Variants in GALNS observed in about 807,000 individuals in gnomAD.
The protein encoded by GALNS is N-acetylgalactosamine-6-sulfatase.
Under a neutral mutation model 65.9 loss-of-function variants are expected in GALNS, and 65 were observed. That is an observed-to-expected ratio of 0.99 (90% CI 0.81 to 1.21). GALNS has a LOEUF of 1.21. Among genes scored for constraint, GALNS ranks in the 50% most tolerant of loss-of-function variants. The pLI, the probability that GALNS is intolerant of heterozygous loss-of-function variation, is 0.00. For synonymous variants in GALNS, 346 were observed against 288.9 expected, an observed-to-expected ratio of 1.20 and a Z score of -2.00; for missense variants, 776 against 700.7, an observed-to-expected ratio of 1.11 and a Z score of -1.21.
At chr16:88,826,896 G>A in intron 9 of GALNS, 58 bp from the exon 10 acceptor site, 3 of 1,547,890 alleles carry the variant, frequency 1.9e-6, no homozygotes, top group Non-Finnish European at 2.6e-6. Context: ...ATGGGGCTGG[G>A]GGCCAATCCC....
chr16:88,820,842 G>GT (rs1469737969), intron 12 of GALNS, among the ~76,000 whole-genome samples: 2 of 152,238 alleles, frequency 1.3e-5, no homozygotes, highest in Non-Finnish European at 2.9e-5. Flanking sequence ...CGACCAGCCT[G>GT]TGGGGGGTGT....
At chr16:88,833,792 T>TGGGA (rs1411973487) in intron 8 of GALNS, among the ~76,000 whole-genome samples, 1 of 152,238 alleles carries the variant, frequency 6.6e-6, no homozygotes, top group Non-Finnish European at 1.5e-5. Flanking sequence ...GTTTCTAGTC[T>TGGGA]TGTGCTGGGT....
intron 1 of GALNS, among the ~76,000 whole-genome samples, chr16:88,853,459 C>T (rs1451603790): frequency 6.6e-6 from 1 of 152,112 alleles, no homozygotes; most frequent in East Asian, 1.9e-4. Context: ...ACTGAGCAAC[C>T]CTCCCCGGAC....
At chr16:88,828,430 C>T (rs916182527) in intron 9 of GALNS, among the ~76,000 whole-genome samples, 1 of 152,188 alleles carries the variant, frequency 6.6e-6, no homozygotes, top group African/African-American at 2.4e-5. Flanking sequence ...TCAGCGCTTT[C>T]GAGACTTCAC....
chr16:88,853,455 C>G (rs977835980), intron 1 of GALNS, among the ~76,000 whole-genome samples: 2 of 152,154 alleles, frequency 1.3e-5, no homozygotes, highest in African/African-American at 4.8e-5. Context: ...GGGCACTGAG[C>G]AACCCTCCCC....
chr16:88,855,046 T>C (rs1404370978), intron 1 of GALNS: 4 of 379,422 alleles, frequency 1.1e-5, no homozygotes, highest in South Asian at 6.0e-5. Context: ...GAACCCTTGC[T>C]GTCCTATGGA....
intron 1 of GALNS, among the ~76,000 whole-genome samples, chr16:88,847,472 T>A (rs1967302217): frequency 6.6e-6 from 1 of 152,202 alleles, no homozygotes; most frequent in Non-Finnish European, 1.5e-5. Flanking sequence ...AGAGTAGGAC[T>A]GCCACCTGCA....
At chr16:88,846,164 T>C (rs1182616362) in intron 1 of GALNS, among the ~76,000 whole-genome samples, 1 of 152,226 alleles carries the variant, frequency 6.6e-6, no homozygotes, top group Non-Finnish European at 1.5e-5. Flanking sequence ...TGGGTGGAGC[T>C]GTATCCCCAA....
chr16:88,852,310 A>G (rs931000249), intron 1 of GALNS, among the ~76,000 whole-genome samples: 1 of 152,246 alleles, frequency 6.6e-6, no homozygotes, highest in African/African-American at 2.4e-5. Flanking sequence ...TATAAGGAAA[A>G]TTAACAAACA....
At chr16:88,827,815 C>CGT (rs1567522785) in intron 9 of GALNS, among the ~76,000 whole-genome samples, 1 of 152,206 alleles carries the variant, frequency 6.6e-6, no homozygotes, top group African/African-American at 2.4e-5. Flanking sequence ...TGGAGAGACA[C>CGT]CCCTGCCTGG....
rs140188230 is a variant in GALNS, at chr16:88,855,603, G to A, written c.120+1155C>T. On this transcript the variant is annotated intron_variant, in intron 1 of 13. Coordinates refer to ENST00000268695, the MANE Select transcript of GALNS (RefSeq NM_000512.5). Reference sequence around the variant, plus strand: ...GTCACCCCTGGGTGGGGAAATTATGGGTGGTGTCTGTTATCTTTTCAAGTA... The same window carrying A: ...GTCACCCCTGGGTGGGGAAATTATGAGTGGTGTCTGTTATCTTTTCAAGTA... 1.0e-3 allele frequency: 652 copies of A among 643,918 alleles called. 3 individuals carry two copies. The African/African-American group carries it at 0.01, about 10-fold the overall frequency. 39.9% of individuals were successfully genotyped at this position (643,918 alleles called of 1,614,324 possible). A position where few individuals can be genotyped will look rare whatever the true frequency, so the allele number is the denominator to read the frequency against.
chr16:88,839,824 T>C (rs1399487414), intron 4 of GALNS, among the ~76,000 whole-genome samples: 2 of 152,214 alleles, frequency 1.3e-5, no homozygotes, highest in African/African-American at 2.4e-5. Flanking sequence ...ACTCCCTGTC[T>C]AGCTCTGGCC....
intron 12 of GALNS, among the ~76,000 whole-genome samples, chr16:88,820,722 C>G (rs947042190): frequency 3.9e-5 from 6 of 152,242 alleles, no homozygotes; most frequent in African/African-American, 1.4e-4. Context: ...CCAGCAAACG[C>G]AACAGGCGGG....
intron 12 of GALNS, among the ~76,000 whole-genome samples, chr16:88,821,784 C>T (rs192162818): frequency 1.4e-4 from 22 of 152,290 alleles, no homozygotes; most frequent in Admixed American, 1.4e-3. Flanking sequence ...CCGCTGTGCT[C>T]AGGCCTGGTT....
At chr16:88,836,342 A>G in intron 5 of GALNS, 75 bp from the exon 6 acceptor site, 1 of 1,197,458 alleles carries the variant, frequency 8.4e-7, no homozygotes, top group Non-Finnish European at 1.2e-6. Flanking sequence ...TTTCACCAGC[A>G]AAGCCATGGG....
At chr16:88,834,606 C>CT (rs1911904870) in intron 8 of GALNS, among the ~76,000 whole-genome samples, 1 of 128,854 alleles carries the variant, frequency 7.8e-6, no homozygotes. Flanking sequence ...TAGGGCCCCC[C>CT]CCGTGTGGTC....
chr16:88,833,679 T>A (rs1911761349), intron 8 of GALNS, among the ~76,000 whole-genome samples: 2 of 152,048 alleles, frequency 1.3e-5, no homozygotes, highest in Admixed American at 6.6e-5. Flanking sequence ...CTCGACCTCC[T>A]GACCTCGTGA....
intron 4 of GALNS, chr16:88,838,718 C>T (rs1912400824): frequency 6.6e-6 from 1 of 152,310 alleles, no homozygotes; most frequent in Non-Finnish European, 1.5e-5. Context: ...TCAGAACGGG[C>T]TGCAGGAGAG....
At chr16:88,835,668 A>G in intron 7 of GALNS, 57 bp downstream of exon 7, 1 of 1,610,624 alleles carries the variant, frequency 6.2e-7, no homozygotes, top group Non-Finnish European at 8.5e-7. Context: ...CCATCTCTGG[A>G]GTCAAGCACA....
Sources: allele counts gnomAD v4.1 joint callset (sites outside exome capture counted in the v4.1 genomes callset), GRCh38; gene constraint gnomAD v4.1.1; transcripts MANE v1.5; gene names NCBI Gene and HGNC (gene_info 2026-07-23, HGNC 2026-07-21).